The following ICE2 variants were observed in gnomAD, a reference collection of about 807,000 sequenced individuals.
ICE2 encodes the protein little elongation complex subunit 2.
In ICE2, 87 loss-of-function variants were observed where a neutral mutation model predicts 105.4. That is an observed-to-expected ratio of 0.83 (90% CI 0.69 to 0.99). The LOEUF (loss-of-function observed/expected upper bound fraction) is 0.99. Ranked by LOEUF, ICE2 falls within the 50% of genes least tolerant of loss-of-function variation. The probability of loss-of-function intolerance (pLI) is 0.00; values close to 1 mark genes in which losing one functional copy is unlikely to be tolerated. For synonymous variants in ICE2, 399 were observed against 392.0 expected (o/e 1.02, Z -0.21); for missense variants, 1,323 against 1,146.7 (o/e 1.15, Z -2.22).
Position 60,423,031 on chromosome 15 carries a change from A to G in ICE2, c.*603T>C, listed in dbSNP as rs1034073059. 3.9e-5 allele frequency: 6 copies of G among 152,632 alleles called. No homozygotes were observed. The highest frequency in any genetic ancestry group is 3.3e-4 in the Admixed American group (5 of 15,282). The allele number at this position is 152,632 out of a possible 1,614,324, so 9.5% of individuals were successfully genotyped here. On this transcript the variant is annotated 3_prime_UTR_variant, in exon 16 of 16. Transcript: ENST00000261520. ...CCAAATTTTTTCTTTTATTAAACAA[A>G]CTGATGGTTGCCAAACAAGAAGTCA... is the stretch of plus-strand genomic sequence containing the variant.
At chr15:60,452,486 C>T (rs2063988875) in intron 9 of ICE2, 2 of 164,858 alleles carry the variant, frequency 1.2e-5, no homozygotes, top group Admixed American at 6.5e-5. Context: ...CCACTACCTG[C>T]TTTTTTACTG....
intron 3 of ICE2, among the ~76,000 whole-genome samples, chr15:60,471,134 A>G (rs1287243073): frequency 6.6e-6 from 1 of 152,198 alleles, no homozygotes; most frequent in Non-Finnish European, 1.5e-5. Flanking sequence ...ACTCTCTCAG[A>G]GCTAAACAAT....
In ICE2 at chr15:60,431,810, A is replaced by T. The variant is rs146081505; in HGVS notation, c.2561+124T>A. The T allele has an allele frequency of 9.3e-3, 5,005 of 535,542 alleles. 53 individuals are homozygous for T. The highest frequency in any genetic ancestry group is 9.8e-3 in the Non-Finnish European group (2,916 of 298,386). 33.2% of individuals were successfully genotyped at this position (535,542 alleles called of 1,614,324 possible). The stretch of plus-strand genomic sequence containing the variant: ...TACAATATAAATGTTTACATTTGAC[A>T]TAATAATTTTTGCATTTCTAGGTTA... On this transcript the variant is annotated intron_variant, in intron 14 of 15. Transcript: ENST00000261520.
chr15:60,478,983 A>G lies in ICE2; in HGVS notation c.-93+20T>C, dbSNP rs1329721779. 2.2e-6 allele frequency: 1 copy of G among 455,874 alleles called. No individual in the cohort carries two copies. Among genetic ancestry groups the G allele is most frequent in the Non-Finnish European group, 4.4e-6 (1 of 226,714 alleles). 28.2% of individuals were successfully genotyped at this position (455,874 alleles called of 1,614,324 possible). ...GCCCTCCCGTCCGCGTCTGGGCTGC[A>G]ACACAGCCTTTCCGCCCACCTCATG... On this transcript the variant is annotated intron_variant, in intron 1 of 15. Coordinates refer to ENST00000261520, the MANE Select transcript of ICE2 (RefSeq NM_024611.6).
intron 13 of ICE2, among the ~76,000 whole-genome samples, chr15:60,434,520 T>TACACACACACACACAC (rs71122858): frequency 6.9e-6 from 1 of 144,824 alleles, no homozygotes; most frequent in Non-Finnish European, 1.5e-5. Context: ...AAAATGTGAT[T>TACACACACACACACAC]ACACACACAC....
chr15:60,424,115 A>G (rs1010129844), intron 15 of ICE2, among the ~76,000 whole-genome samples: 1 of 152,176 alleles, frequency 6.6e-6, no homozygotes, highest in Non-Finnish European at 1.5e-5. Flanking sequence ...CTGAAGGACA[A>G]GAAAAAGGAA....
chr15:60,468,118 CTT>C lies in ICE2; in HGVS notation c.349_350del (p.Lys117AspfsTer12). 1 of 1,613,838 alleles carries C rather than the reference CTT, an allele frequency of 6.2e-7. No homozygotes were observed. Among genetic ancestry groups the C allele is most frequent in the Non-Finnish European group, 8.5e-7 (1 of 1,179,874 alleles). Reference sequence around the variant, plus strand: ...CAACAGCTTTGGAATTTGCAGGAATCTTTGCGTATTTAACCAACAAGTCCACA... The same window carrying C: ...CAACAGCTTTGGAATTTGCAGGAATCTGCGTATTTAACCAACAAGTCCACA... Reference protein sequence around the residue: ...SYVDLLVKYAKIPANSKAVGI... With the variant: ...SYVDLLVKYAXIPANSKAVGI... On this transcript the variant is annotated frameshift_variant, in exon 4 of 16. Transcript: ENST00000261520. LOFTEE classifies it high-confidence loss of function.
At chr15:60,424,420 A>AGGGGCAAAGGGGAAGAGGGGGATTAGAG in intron 15 of ICE2, among the ~76,000 whole-genome samples, 1 of 149,442 alleles carries the variant, frequency 6.7e-6, no homozygotes, top group South Asian at 2.1e-4. Context: ...AATACAGAGG[A>AGGGGCAAAGGGGAAGAGGGGGATTAGAG]TGGGGGAAGG....
In ICE2 at chr15:60,449,625, CT is replaced by C. The variant is rs760201888; in HGVS notation, c.1341del (p.Asp448ThrfsTer13). On this transcript the variant is annotated frameshift_variant, in exon 10 of 16. Coordinates refer to ENST00000261520, the MANE Select transcript of ICE2 (RefSeq NM_024611.6). LOFTEE classifies it high-confidence loss of function. ...AAACTTCTAGAATTAGCAGAAATGT[CT>C]GGTGCACTTGGTGCCACAGTTGTAG... Reference protein sequence around the residue: ...AGTTTVAPSAPDISANSRSLS... With the variant: ...AGTTTVAPSAXDISANSRSLS... The C allele has an allele frequency of 1.9e-5, 31 of 1,614,034 alleles. No homozygotes were observed. Among genetic ancestry groups the C allele is most frequent in the Non-Finnish European group, 2.6e-5 (31 of 1,180,036 alleles).
chr15:60,468,383 A>C, intron 3 of ICE2, 61 bp from the exon 4 acceptor site: 1 of 1,275,334 alleles, frequency 7.8e-7, no homozygotes, highest in South Asian at 1.4e-5. Context: ...CTATCATGGA[A>C]CTTCATGATT....
In ICE2 at chr15:60,423,657, G is replaced by C; in HGVS notation, c.2926C>G (p.Pro976Ala). ...CCTCAAGTTATTTTTCTTTTATGTG[G>C]AGCCACTCCTTCAGTTTCAACTTGC... Reference protein sequence around the residue: ...AQQVETEGVAPHKRKIT With the variant: ...AQQVETEGVAAHKRKIT Residue 976 changes from proline to alanine, a missense_variant, in exon 16 of 16, where the codon CCA becomes GCA. Coordinates refer to ENST00000261520, the MANE Select transcript of ICE2 (RefSeq NM_024611.6). 1.9e-6 allele frequency: 3 copies of C among 1,608,452 alleles called. No homozygotes were observed. Among genetic ancestry groups the C allele is most frequent in the Non-Finnish European group, 2.5e-6 (3 of 1,178,518 alleles).
Position 60,466,676 on chromosome 15 carries a change from A to C in ICE2, c.446T>G (p.Phe149Cys). The change falls in exon 5 of 16, where the codon TTC becomes TGC. Residue 149 changes from phenylalanine to cysteine, a missense_variant. Physicochemically the swap from Phe to Cys is radical, Grantham distance 205 (BLOSUM62 -2). Coordinates refer to ENST00000261520, the MANE Select transcript of ICE2 (RefSeq NM_024611.6). ...KKHVNEEVTE[F>C]LKFLQNSAKK... is the part of the protein sequence containing the mutation. ...TGCAGAATTCTGCAAAAACTTTAGG[A>C]ACTCAGTAACTTCTTCGTTCACATG... is the stretch of plus-strand genomic sequence containing the variant. 6.2e-7 allele frequency: 1 copy of C among 1,609,848 alleles called. No homozygotes were observed. The highest frequency in any genetic ancestry group is 8.5e-7 in the Non-Finnish European group (1 of 1,178,974).
At chr15:60,427,403 A>G (rs2063360674) in intron 15 of ICE2, among the ~76,000 whole-genome samples, 1 of 152,196 alleles carries the variant, frequency 6.6e-6, no homozygotes. Flanking sequence ...AGTCATTTGT[A>G]GAGAGCAAAA....
intron 7 of ICE2, 80 bp downstream of exon 7, chr15:60,455,246 C>A: frequency 6.5e-7 from 1 of 1,530,298 alleles, no homozygotes. Flanking sequence ...AGAAAGGGGA[C>A]TTTGGGACAA....
chr15:60,436,064 G>A, intron 13 of ICE2, 79 bp downstream of exon 13: 1 of 561,008 alleles, frequency 1.8e-6, no homozygotes, highest in South Asian at 3.0e-5. Context: ...AATAATTTAA[G>A]CTTAAACAAT....
chr15:60,454,341 C>T (rs2064043222), intron 8 of ICE2, among the ~76,000 whole-genome samples: 2 of 151,972 alleles, frequency 1.3e-5, no homozygotes, highest in Admixed American at 6.6e-5. Flanking sequence ...TTCCAAATTC[C>T]AGTAACGAAC....
chr15:60,447,519 A>C (rs2063849196), intron 11 of ICE2: 1 of 152,500 alleles, frequency 6.6e-6, no homozygotes, highest in African/African-American at 2.4e-5. Context: ...CTAAACACAA[A>C]ACCCTTTTAT....
At chr15:60,456,962 C>T (rs1485216053) in intron 5 of ICE2, among the ~76,000 whole-genome samples, 168 bp from the exon 6 acceptor site, 1 of 151,922 alleles carries the variant, frequency 6.6e-6, no homozygotes, top group African/African-American at 2.4e-5. Flanking sequence ...ATATTTTTAA[C>T]CCAGTTACTT....
intron 9 of ICE2, chr15:60,451,131 TAAAAG>T (rs779627089): frequency 1.3e-5 from 10 of 798,322 alleles, no homozygotes; most frequent in Non-Finnish European, 1.5e-5. Context: ...AACTGAAAAA[TAAAAG>T]AAAAATTTGA....
Sources: gnomAD v4.1 joint callset for allele counts (sites outside exome capture counted in the v4.1 genomes callset) on GRCh38, gnomAD v4.1.1 for gene constraint, MANE v1.5 for transcripts, NCBI Gene and HGNC (gene_info 2026-07-23, HGNC 2026-07-21) for gene names.